ZNF804A: variants seen among roughly 807,000 people sequenced by gnomAD.
ZNF804A encodes the protein zinc finger protein 804A.
ZNF804A carries 2 observed loss-of-function variants against 16.5 expected under a neutral mutation model. The ratio of observed to expected loss-of-function variants is 0.12; its 90% CI spans 0.05 to 0.38. The LOEUF (loss-of-function observed/expected upper bound fraction) is 0.38. ZNF804A is among the 10% of genes least tolerant of loss of function. The probability of loss-of-function intolerance (pLI) is 0.99; values close to 1 mark genes in which losing one functional copy is unlikely to be tolerated. For synonymous variants in ZNF804A, 534 were observed against 489.6 expected, an observed-to-expected ratio of 1.09 and a Z score of -1.20; for missense variants, 1,473 against 1,390.7, an observed-to-expected ratio of 1.06 and a Z score of -0.94.
chr2:184,646,483 G>A (rs1691875220), intron 1 of ZNF804A, among the ~76,000 whole-genome samples: 1 of 152,178 alleles, frequency 6.6e-6, no homozygotes, highest in African/African-American at 2.4e-5. Flanking sequence ...TGCTCAACTG[G>A]ATCAGCAACC....
Position 184,686,405 on chromosome 2 carries a change from T to C in ZNF804A, c.111+87335T>C, listed in dbSNP as rs538449420. Among the ~76,000 whole-genome samples the C allele has an allele frequency of 2.6e-5, 4 of 152,328 alleles. No homozygotes were observed. The South Asian group carries it at 8.3e-4, about 32-fold the overall frequency. ...GCCATCATGTGTACCACTCTTTATCTACATCATATGTACCACACTTTCTTT... is the reference window on the plus strand; with the variant it reads ...GCCATCATGTGTACCACTCTTTATCCACATCATATGTACCACACTTTCTTT... On this transcript the variant is annotated intron_variant, in intron 1 of 3. Transcript: ENST00000302277.
intron 2 of ZNF804A, among the ~76,000 whole-genome samples, chr2:184,907,735 T>C (rs138914515): frequency 2.9e-4 from 44 of 152,268 alleles, no homozygotes; most frequent in African/African-American, 9.9e-4. Context: ...GGCTTGCAGA[T>C]ACAAATCGTT....
chr2:184,664,845 A>G (rs1411024999), intron 1 of ZNF804A, among the ~76,000 whole-genome samples: 2 of 151,902 alleles, frequency 1.3e-5, no homozygotes, highest in Non-Finnish European at 2.9e-5. Flanking sequence ...TATATTTTAA[A>G]GACTGTAATT....
chr2:184,873,164 G>C (rs990002316), intron 2 of ZNF804A, among the ~76,000 whole-genome samples: 4 of 152,076 alleles, frequency 2.6e-5, no homozygotes, highest in African/African-American at 9.7e-5. Context: ...AACATATCTA[G>C]GGAATTATTT....
intron 1 of ZNF804A, among the ~76,000 whole-genome samples, chr2:184,662,416 C>T (rs567655391): frequency 4.0e-4 from 61 of 152,268 alleles, no homozygotes; most frequent in Non-Finnish European, 6.3e-4. Context: ...CTTTGTGTGA[C>T]TACCCAAATT....
chr2:184,672,460 T>C (rs756892353), intron 1 of ZNF804A, among the ~76,000 whole-genome samples: 1 of 152,168 alleles, frequency 6.6e-6, no homozygotes. Flanking sequence ...AAATTAGTAT[T>C]AGTGGAAATT....
intron 2 of ZNF804A, among the ~76,000 whole-genome samples, chr2:184,926,465 A>G (rs949317079): frequency 2.0e-5 from 3 of 152,010 alleles, no homozygotes; most frequent in African/African-American, 7.2e-5. Context: ...TTTGATTATT[A>G]AATGCCTTGA....
At chr2:184,676,149 A>G (rs1692425300) in intron 1 of ZNF804A, among the ~76,000 whole-genome samples, 1 of 151,786 alleles carries the variant, frequency 6.6e-6, no homozygotes, top group South Asian at 2.1e-4. Flanking sequence ...TAAAACTGAT[A>G]TAATTCTATC....
chr2:184,868,820 G>A (rs1695925453), intron 2 of ZNF804A, among the ~76,000 whole-genome samples: 1 of 151,920 alleles, frequency 6.6e-6, no homozygotes, highest in Non-Finnish European at 1.5e-5. Flanking sequence ...AAGCAAATGA[G>A]CAAATAAAAC....
intron 1 of ZNF804A, among the ~76,000 whole-genome samples, chr2:184,853,876 T>C (rs1486398221): frequency 6.6e-6 from 1 of 151,482 alleles, no homozygotes; most frequent in Admixed American, 6.6e-5. Flanking sequence ...TTCTTTTTTT[T>C]TTTTTTTGGC....
chr2:184,693,277 A>G (rs1692763294), intron 1 of ZNF804A, among the ~76,000 whole-genome samples: 1 of 152,298 alleles, frequency 6.6e-6, no homozygotes, highest in South Asian at 2.1e-4. Context: ...GGGGTTATAG[A>G]ATTTATGAGT....
chr2:184,807,068 T>C (rs1694819088), intron 1 of ZNF804A, among the ~76,000 whole-genome samples: 1 of 151,700 alleles, frequency 6.6e-6, no homozygotes, highest in Admixed American at 6.6e-5. Flanking sequence ...CCTGTCCAAC[T>C]TGGCATAGTC....
At chr2:184,916,356 C>T (rs1190653877) in intron 2 of ZNF804A, among the ~76,000 whole-genome samples, 2 of 152,032 alleles carry the variant, frequency 1.3e-5, no homozygotes, top group Non-Finnish European at 2.9e-5. Flanking sequence ...TATTTTATTT[C>T]ATACTAACTC....
At chr2:184,864,807 A>G (rs928701850) in intron 1 of ZNF804A, among the ~76,000 whole-genome samples, 6 of 151,432 alleles carry the variant, frequency 4.0e-5, no homozygotes, top group African/African-American at 1.5e-4. Context: ...ACTACATTTT[A>G]TTTAAAAATA....
chr2:184,877,359 T>C (rs1211370608), intron 2 of ZNF804A, among the ~76,000 whole-genome samples: 1 of 152,040 alleles, frequency 6.6e-6, no homozygotes, highest in African/African-American at 2.4e-5. Context: ...AGTTCAAAAT[T>C]TTAAGAAGAA....
At chr2:184,816,380 G>A (rs747642348) in intron 1 of ZNF804A, among the ~76,000 whole-genome samples, 4 of 151,850 alleles carry the variant, frequency 2.6e-5, no homozygotes, top group Admixed American at 1.3e-4. Context: ...TTTATCCTTC[G>A]AGGGGCTGTG....
chr2:184,912,342 C>G (rs1056373408), intron 2 of ZNF804A, among the ~76,000 whole-genome samples: 1 of 151,782 alleles, frequency 6.6e-6, no homozygotes. Context: ...CAGTTTTGTC[C>G]ATTTATTATT....
intron 1 of ZNF804A, among the ~76,000 whole-genome samples, chr2:184,742,220 CATT>C (rs971886009): frequency 5.9e-5 from 9 of 151,828 alleles, no homozygotes; most frequent in African/African-American, 2.2e-4. Context: ...TCATTTCAAT[CATT>C]ATGATAATAA....
At chr2:184,764,404 C>T (rs1318088519) in intron 1 of ZNF804A, among the ~76,000 whole-genome samples, 1 of 152,142 alleles carries the variant, frequency 6.6e-6, no homozygotes, top group Non-Finnish European at 1.5e-5. Context: ...TTTCATTCCT[C>T]ATTTTCCTCT....
Sources: allele counts gnomAD v4.1 joint callset (sites outside exome capture counted in the v4.1 genomes callset), GRCh38; gene constraint gnomAD v4.1.1; transcripts MANE v1.5; gene names NCBI Gene and HGNC (gene_info 2026-07-23, HGNC 2026-07-21).